Variants in CYP1B1 observed in about 807,000 individuals in gnomAD.
The protein encoded by CYP1B1 is cytochrome P450 1B1.
CYP1B1 carries 22 observed loss-of-function variants against 29.9 expected under a neutral mutation model. That is an observed-to-expected ratio of 0.74 (90% CI 0.53 to 1.05). The LOEUF (loss-of-function observed/expected upper bound fraction) is 1.05, where lower values mean the gene tolerates loss of function less well. CYP1B1 is among the 50% of genes least tolerant of loss of function. The pLI, the probability that CYP1B1 is intolerant of heterozygous loss-of-function variation, is 0.00. For missense variants in CYP1B1, 883 were observed against 746.9 expected (o/e 1.18, Z -2.12); for synonymous variants, 375 against 320.0 (o/e 1.17, Z -1.83).
chr2:38,070,793 T>G lies in CYP1B1; in HGVS notation c.1561A>C (p.Thr521Pro), dbSNP rs1573271881. ...AGGAGCTCCATGGACTCTCTGAGAG[T>G]GACATTGACTTTAAATGACTTGGGT... ...IKPKSFKVNV[T>P]LRESMELLDS... Residue 521 changes from threonine to proline, a missense_variant, in exon 3 of 3, where the codon ACT becomes CCT. Transcript: ENST00000610745. The G allele has an allele frequency of 6.2e-7, 1 of 1,614,206 alleles. No homozygotes were observed. Among genetic ancestry groups the G allele is most frequent in the East Asian group, 2.2e-5 (1 of 44,890 alleles).
At chr2:38,071,930 T>A (rs1682440413) in intron 2 of CYP1B1, among the ~76,000 whole-genome samples, 1 of 152,242 alleles carries the variant, frequency 6.6e-6, no homozygotes. Context: ...AGACATGCTG[T>A]TCTCATTTTA....
In CYP1B1 at chr2:38,067,985, G is replaced by A. The variant is rs1454817535; in HGVS notation, c.*2737C>T. 5.1e-6 allele frequency: 1 copy of A among 197,846 alleles called. No individual in the cohort carries two copies. The highest frequency in any genetic ancestry group is 1.0e-5 in the Non-Finnish European group (1 of 95,296). The allele number at this position is 197,846 out of a possible 1,614,324, so 12.3% of individuals were successfully genotyped here. ...CTGTAGTAACACTTCACAGGTAAAG[G>A]CTAAGTTCTGGGACATGAAAGCTTT... On this transcript the variant is annotated 3_prime_UTR_variant, in exon 3 of 3. Transcript: ENST00000610745.
intron 2 of CYP1B1, chr2:38,074,000 C>A (rs1219191375): frequency 7.5e-6 from 3 of 399,818 alleles, no homozygotes; most frequent in African/African-American, 2.0e-5. Context: ...GATTGTAATG[C>A]GCCAGGGAGA....
intron 2 of CYP1B1, 86 bp downstream of exon 2, chr2:38,074,260 C>T: frequency 6.9e-7 from 1 of 1,455,382 alleles, no homozygotes; most frequent in Non-Finnish European, 9.4e-7. Context: ...AACCCGGGGC[C>T]CTGCTTGCAA....
chr2:38,070,956 G>A lies in CYP1B1; in HGVS notation c.1398C>T (p.Gly466=). 6.2e-7 allele frequency: 1 copy of A among 1,614,068 alleles called. No homozygotes were observed. The highest frequency in any genetic ancestry group is 8.5e-7 in the Non-Finnish European group (1 of 1,179,950). ...LTSRVMIFSV[G]KRRCIGEELS... ...GTTCTTCGCCAATGCACCGCCTTTTGCCCACTGAAAAAATCATCACTCTGC... is the reference window on the plus strand; with the variant it reads ...GTTCTTCGCCAATGCACCGCCTTTTACCCACTGAAAAAATCATCACTCTGC... The change falls in exon 3 of 3, where the codon GGC becomes GGT. Residue 466 remains glycine (G), a synonymous_variant. Transcript: ENST00000610745.
Position 38,073,130 on chromosome 2 carries a change from C to T in CYP1B1, c.1043+1216G>A, listed in dbSNP as rs193007187. On this transcript the variant is annotated intron_variant, in intron 2 of 2. Coordinates refer to ENST00000610745, the MANE Select transcript of CYP1B1 (RefSeq NM_000104.4). Reference sequence around the variant, plus strand: ...TTCTTTATTCGATTTCTGCCTCTCCCTCACCCACCATGGGTGTTTCTATGA... The same window carrying T: ...TTCTTTATTCGATTTCTGCCTCTCCTTCACCCACCATGGGTGTTTCTATGA... Among the ~76,000 whole-genome samples the T allele has an allele frequency of 1.3e-3, 203 of 152,320 alleles. 1 individual carries two copies. The highest frequency in any genetic ancestry group is 4.8e-3 in the African/African-American group (198 of 41,570).
rs188785360 is a variant in CYP1B1, at chr2:38,069,981, T to C, written c.*741A>G. The C allele has an allele frequency of 5.0e-6, 1 of 200,940 alleles. No homozygotes were observed. The highest frequency in any genetic ancestry group is 2.3e-5 in the African/African-American group (1 of 43,684). The allele number at this position is 200,940 out of a possible 1,614,324, so 12.4% of individuals were successfully genotyped here. ...CAAGCAAAAGAGGTACAACATCACC[T>C]TGGAGTTTTACAATTTAATAATGCA... is the stretch of plus-strand genomic sequence containing the variant. On this transcript the variant is annotated 3_prime_UTR_variant, in exon 3 of 3. Coordinates refer to ENST00000610745, the MANE Select transcript of CYP1B1 (RefSeq NM_000104.4).
In CYP1B1 at chr2:38,074,384, C is replaced by T. The variant is rs759392224; in HGVS notation, c.1005G>A (p.Leu335=). ...TDIFGASQDT[L]STALQWLLLL... ...GGAGCAGCCACTGCAGCGCGGTGGA[C>T]AGGGTGTCCTGGCTGGCGCCGAAGA... Residue 335 remains leucine, a synonymous_variant, in exon 2 of 3, where the codon CTG becomes CTA. Transcript: ENST00000610745. The T allele has an allele frequency of 1.2e-6, 2 of 1,613,528 alleles. No homozygotes were observed. Among genetic ancestry groups the T allele is most frequent in the Non-Finnish European group, 1.7e-6 (2 of 1,180,008 alleles).
rs1682395239 is a variant in CYP1B1, at chr2:38,069,959, G to A, written c.*763C>T. 5.0e-6 allele frequency: 1 copy of A among 199,022 alleles called. No homozygotes were observed. The highest frequency in any genetic ancestry group is 7.8e-5 in the East Asian group (1 of 12,824). The allele number at this position is 199,022 out of a possible 1,614,324, so 12.3% of individuals were successfully genotyped here. Reference sequence around the variant, plus strand: ...TAATTCAAATTCTGTACTTTGGCAAGCAAAAGAGGTACAACATCACCTTGG... The same window carrying A: ...TAATTCAAATTCTGTACTTTGGCAAACAAAAGAGGTACAACATCACCTTGG... On this transcript the variant is annotated 3_prime_UTR_variant, in exon 3 of 3. Coordinates refer to ENST00000610745, the MANE Select transcript of CYP1B1 (RefSeq NM_000104.4).
In CYP1B1 at chr2:38,070,393, TA is replaced by T; in HGVS notation, c.*328del. 1 of 360,456 alleles carries T rather than the reference TA, an allele frequency of 2.8e-6. No individual in the cohort carries two copies. Among genetic ancestry groups the T allele is most frequent in the South Asian group, 4.4e-5 (1 of 22,750 alleles). The allele number at this position is 360,456 out of a possible 1,614,324, so 22.3% of individuals were successfully genotyped here. On this transcript the variant is annotated 3_prime_UTR_variant, in exon 3 of 3. Coordinates refer to ENST00000610745, the MANE Select transcript of CYP1B1 (RefSeq NM_000104.4). ...TACTGCTTCATTCAGTAGTTTGGTG[TA>T]AGTGTTTGGGTGTATGTGTCTATAT...
At chr2:38,072,416 G>C (rs929884133) in intron 2 of CYP1B1, among the ~76,000 whole-genome samples, 1 of 151,876 alleles carries the variant, frequency 6.6e-6, no homozygotes, top group Non-Finnish European at 1.5e-5. Context: ...CAAGGCCAAT[G>C]ACCAACATTA....
intron 2 of CYP1B1, chr2:38,073,380 C>G (rs563863741): frequency 2.6e-5 from 4 of 152,210 alleles, no homozygotes; most frequent in Non-Finnish European, 5.9e-5. Context: ...CTTCGGCAAT[C>G]AAAATTTGCC....
In CYP1B1 at chr2:38,074,361, A is replaced by G. The variant is rs769149503; in HGVS notation, c.1028T>C (p.Leu343Pro). ...GAGGCTTTACCTGGTGAAGAGGAGG[A>G]GCAGCCACTGCAGCGCGGTGGACAG... Reference protein sequence around the residue: ...DTLSTALQWLLLLFTRYPDVQ... With the variant: ...DTLSTALQWLPLLFTRYPDVQ... Residue 343 changes from leucine to proline, a missense_variant, in exon 2 of 3, where the codon CTC (leucine) becomes CCC (proline). Physicochemically the swap from Leu to Pro is moderately conservative, Grantham distance 98. Transcript: ENST00000610745. The G allele has an allele frequency of 8.7e-6, 14 of 1,613,342 alleles. No individual in the cohort carries two copies. Among genetic ancestry groups the G allele is most frequent in the African/African-American group, 1.3e-5 (1 of 75,050 alleles).
At chr2:38,073,972 C>T (rs1475732469) in intron 2 of CYP1B1, 1 of 301,194 alleles carries the variant, frequency 3.3e-6, no homozygotes, top group African/African-American at 2.2e-5. Flanking sequence ...CCTTTTCTTT[C>T]GGAACTATTC....
chr2:38,070,540 G>T lies in CYP1B1; in HGVS notation c.*182C>A. 1.6e-6 allele frequency: 1 copy of T among 626,684 alleles called. No individual in the cohort carries two copies. 38.8% of individuals were successfully genotyped at this position (626,684 alleles called of 1,614,324 possible). Reference sequence around the variant, plus strand: ...AAAATCTCCCAGAAGCTCCTGCATAGCCCACTACTCATGAAGAACCGCTGG... The same window carrying T: ...AAAATCTCCCAGAAGCTCCTGCATATCCCACTACTCATGAAGAACCGCTGG... On this transcript the variant is annotated 3_prime_UTR_variant, in exon 3 of 3. Coordinates refer to ENST00000610745, the MANE Select transcript of CYP1B1 (RefSeq NM_000104.4).
At position 38,070,969 on chromosome 2, in the gene CYP1B1, A is replaced by G. The variant is rs769873517; in HGVS notation, c.1385T>C (p.Ile462Thr). The change falls in exon 3 of 3, where the codon ATT becomes ACT. Residue 462 changes from isoleucine (I) to threonine (T), a missense_variant. Physicochemically the swap from Ile to Thr is moderately conservative, Grantham distance 89. Transcript: ENST00000610745. ...INKDLTSRVM[I>T]FSVGKRRCIG... ...GCACCGCCTTTTGCCCACTGAAAAA[A>G]TCATCACTCTGCTGGTCAGGTCCTT... 3 of 1,614,190 alleles carry G rather than the reference A, an allele frequency of 1.9e-6. No individual in the cohort carries two copies. The highest frequency in any genetic ancestry group is 2.2e-5 in the South Asian group (2 of 91,076).
chr2:38,071,023 C>T lies in CYP1B1; in HGVS notation c.1331G>A (p.Arg444Gln), dbSNP rs72549376. 33 of 1,613,972 alleles carry T rather than the reference C, an allele frequency of 2.0e-5. No homozygotes were observed. The highest frequency in any genetic ancestry group is 6.7e-5 in the East Asian group (3 of 44,896). ...WPNPENFDPARFLDKDGLINK... is the reference protein window; with the variant it reads ...WPNPENFDPAQFLDKDGLINK... The stretch of plus-strand genomic sequence containing the variant: ...GATGAGGCCATCCTTGTCCAAGAAT[C>T]GAGCTGGATCAAAGTTCTCCGGGTT... The change falls in exon 3 of 3, where the codon CGA (arginine) becomes CAA (glutamine). Residue 444 changes from arginine to glutamine, a missense_variant. By Grantham distance (43) the Arg-to-Gln change is conservative. Transcript: ENST00000610745.
chr2:38,073,572 G>C (rs1682469622), intron 2 of CYP1B1: 1 of 152,306 alleles, frequency 6.6e-6, no homozygotes, highest in South Asian at 2.1e-4. Context: ...TCCGTGCTTA[G>C]TAGAGACCAA....
Position 38,071,170 on chromosome 2 carries a change from A to G in CYP1B1, c.1184T>C (p.Val395Ala), listed in dbSNP as rs764181460. 1 of 1,613,988 alleles carries G rather than the reference A, an allele frequency of 6.2e-7. No homozygotes were observed. The highest frequency in any genetic ancestry group is 1.7e-5 in the Admixed American group (1 of 60,026). ...LYEAMRFSSF[V>A]PVTIPHATTA... ...GGTGGCATGAGGAATAGTGACAGGC[A>G]CAAAGCTGGAGAAGCGCATGGCTTC... is the stretch of plus-strand genomic sequence containing the variant. Residue 395 changes from valine (V) to alanine (A), a missense_variant, in exon 3 of 3, where the codon GTG (valine) becomes GCG (alanine). Coordinates refer to ENST00000610745, the MANE Select transcript of CYP1B1 (RefSeq NM_000104.4).
Sources: allele counts gnomAD v4.1 joint callset (sites outside exome capture counted in the v4.1 genomes callset), GRCh38; gene constraint gnomAD v4.1.1; transcripts MANE v1.5; gene names NCBI Gene and HGNC (gene_info 2026-07-23, HGNC 2026-07-21).